Variants in LCOR observed in about 807,000 individuals in gnomAD.
LCOR encodes ligand-dependent corepressor.
A neutral mutation model predicts 64.4 loss-of-function variants in LCOR; 14 were observed. That is an observed-to-expected ratio of 0.22 (90% CI 0.14 to 0.34). The LOEUF is 0.34. LCOR is among the 10% of genes least tolerant of loss of function. LCOR has a pLI of 1.00. For synonymous variants in LCOR, 643 were observed against 642.5 expected (o/e 1.00, Z -0.01); for missense variants, 1,686 against 1,765.3 (o/e 0.96, Z 0.80).
At position 96,832,475 on chromosome 10, in the gene LCOR, G is replaced by C. The variant is rs1358865386; in HGVS notation, c.-404+76G>C. The C allele has an allele frequency of 1.0e-5, 5 of 496,906 alleles. No homozygotes were observed. In the African/African-American group the frequency reaches 1.1e-4, roughly 10 times the overall value. The allele number at this position is 496,906 out of a possible 1,614,324, so 30.8% of individuals were successfully genotyped here. ...TCGCCCCAGACCAGGGAGGAAGCTG[G>C]GGAAGTGGCAATTGCTGCTCCGGCC... On this transcript the variant is annotated intron_variant, in intron 1 of 7. Transcript: ENST00000421806.
At position 96,944,143 on chromosome 10, in the gene LCOR, T is replaced by A; in HGVS notation, c.-153T>A. 2.0e-6 allele frequency: 2 copies of A among 985,664 alleles called. No homozygotes were observed. The highest frequency in any genetic ancestry group is 2.4e-6 in the Non-Finnish European group (2 of 829,848). 61.1% of individuals were successfully genotyped at this position (985,664 alleles called of 1,614,324 possible). A position where few individuals can be genotyped will look rare whatever the true frequency, so the allele number is the denominator to read the frequency against. On this transcript the variant is annotated 5_prime_UTR_variant, in exon 5 of 8. Coordinates refer to ENST00000421806, the MANE Select transcript of LCOR (RefSeq NM_001346516.2). ...CTTAGTCGGTCTGGATGAACCAGCT[T>A]CGGGAGCTGGGCAAGAAGCTCTGCT...
intron 2 of LCOR, among the ~76,000 whole-genome samples, chr10:96,872,166 A>G (rs549523534): frequency 5.2e-4 from 79 of 152,264 alleles, no homozygotes; most frequent in Non-Finnish European, 1.0e-3. Flanking sequence ...CTGATAGTCT[A>G]CATAGCTGGA....
intron 2 of LCOR, among the ~76,000 whole-genome samples, chr10:96,881,717 A>T (rs1228132804): frequency 6.6e-6 from 1 of 152,144 alleles, no homozygotes; most frequent in Non-Finnish European, 1.5e-5. Flanking sequence ...TCAGCCTCCC[A>T]AAGTGTTGGT....
At position 96,981,832 on chromosome 10, in the gene LCOR, G is replaced by C. The variant is rs146360818; in HGVS notation, c.1372G>C (p.Ala458Pro). The stretch of plus-strand genomic sequence containing the variant: ...CAAGACAGCTCGGAAAAGTAAAAGG[G>C]CATCAGGGCTGAGGATAAATGATTA... ...SIKTARKSKR[A>P]SGLRINDYDN... is the part of the protein sequence containing the mutation. Residue 458 changes from alanine (A) to proline (P), a missense_variant, in exon 8 of 8, where the codon GCA (alanine) becomes CCA (proline). By Grantham distance (27) the Ala-to-Pro change is conservative. This residue lies in a region of LCOR where 1,293 missense variants were observed against 1,410.4 expected (regional missense o/e 0.92). Transcript: ENST00000421806. 60 of 1,614,218 alleles carry C rather than the reference G, an allele frequency of 3.7e-5. No homozygotes were observed. The African/African-American group carries it at 6.5e-4, about 18-fold the overall frequency.
chr10:96,963,334 A>T (rs746644891), intron 7 of LCOR: 1 of 152,236 alleles, frequency 6.6e-6, no homozygotes, highest in East Asian at 1.9e-4. Context: ...AACAAAAGAC[A>T]TTCCTAACTG....
At chr10:96,872,023 C>T (rs777821106) in intron 2 of LCOR, among the ~76,000 whole-genome samples, 1 of 152,184 alleles carries the variant, frequency 6.6e-6, no homozygotes, top group Non-Finnish European at 1.5e-5. Context: ...TGACATAGTC[C>T]ATGCCACATA....
chr10:96,865,953 C>T (rs955993649), intron 2 of LCOR, among the ~76,000 whole-genome samples: 1 of 151,786 alleles, frequency 6.6e-6, no homozygotes, highest in Admixed American at 6.6e-5. Flanking sequence ...CTTTTCTGGC[C>T]AATCTCTTAC....
intron 7 of LCOR, among the ~76,000 whole-genome samples, chr10:96,973,713 G>C (rs1353180385): frequency 1.3e-5 from 2 of 152,038 alleles, no homozygotes; most frequent in Non-Finnish European, 2.9e-5. Flanking sequence ...GTTTTCCTGG[G>C]ACTCCCTGTT....
chr10:96,850,220 G>C (rs74153735), intron 2 of LCOR, among the ~76,000 whole-genome samples: 35 of 152,248 alleles, frequency 2.3e-4, no homozygotes, highest in African/African-American at 8.2e-4. Flanking sequence ...GCATCACAGT[G>C]AACACATGCC....
intron 4 of LCOR, among the ~76,000 whole-genome samples, chr10:96,932,973 T>C (rs979926026): frequency 1.3e-5 from 2 of 152,196 alleles, no homozygotes; most frequent in Admixed American, 6.5e-5. Flanking sequence ...GTGGAACAAA[T>C]TCATTAAAAT....
intron 4 of LCOR, among the ~76,000 whole-genome samples, chr10:96,925,326 C>T (rs1250018326): frequency 1.3e-5 from 2 of 152,114 alleles, no homozygotes; most frequent in South Asian, 2.1e-4. Flanking sequence ...TCACCTGCCT[C>T]GGCCTCCCAA....
rs893993631 is a variant in LCOR at position 96,971,959 on chromosome 10, A to G, written c.333-8834A>G. On this transcript the variant is annotated intron_variant, in intron 7 of 7. Coordinates refer to ENST00000421806, the MANE Select transcript of LCOR (RefSeq NM_001346516.2). ...GATTCCTGAGTAAAAACTTGAACGT[A>G]CAGATGATTTTATTAATACTTAGTT... 3.9e-5 allele frequency among the ~76,000 whole-genome samples: 6 copies of G among 152,240 alleles called. No individual in the cohort carries two copies. The South Asian group carries it at 1.0e-3, about 26-fold the overall frequency.
At chr10:96,975,170 CAAAAT>C (rs766427793) in intron 7 of LCOR, among the ~76,000 whole-genome samples, 18 of 151,720 alleles carry the variant, frequency 1.2e-4, no homozygotes, top group Non-Finnish European at 2.4e-4. Context: ...GACTCTATCT[CAAAAT>C]AAAATAATAA....
intron 2 of LCOR, among the ~76,000 whole-genome samples, chr10:96,888,230 T>C (rs1846377189): frequency 6.6e-6 from 1 of 150,452 alleles, no homozygotes; most frequent in Non-Finnish European, 1.5e-5. Context: ...CCAGGCCTGG[T>C]GGTGGCCGCC....
intron 2 of LCOR, among the ~76,000 whole-genome samples, chr10:96,834,911 T>C (rs1340996184): frequency 1.3e-5 from 2 of 152,214 alleles, no homozygotes; most frequent in Non-Finnish European, 2.9e-5. Flanking sequence ...TGTTGTTTTT[T>C]CTTTATTGAG....
chr10:96,915,561 C>T, intron 4 of LCOR: 2 of 656,914 alleles, frequency 3.0e-6, no homozygotes, highest in Non-Finnish European at 5.5e-6. Context: ...TTTTATGAAA[C>T]TTGGTAAAAA....
chr10:96,964,340 A>G (rs1333319775), intron 7 of LCOR: 1 of 150,556 alleles, frequency 6.6e-6, no homozygotes, highest in Non-Finnish European at 1.5e-5. Flanking sequence ...GACATTTTGG[A>G]GAAACATTCC....
intron 2 of LCOR, among the ~76,000 whole-genome samples, chr10:96,889,502 T>C (rs2041848386): frequency 6.6e-6 from 1 of 152,180 alleles, no homozygotes; most frequent in Non-Finnish European, 1.5e-5. Flanking sequence ...CACAGCCGTT[T>C]CTCTGTGCTC....
chr10:96,859,297 C>T (rs562663303), intron 2 of LCOR, among the ~76,000 whole-genome samples: 5 of 152,092 alleles, frequency 3.3e-5, no homozygotes, highest in South Asian at 2.1e-4. Flanking sequence ...GCAACCTTAG[C>T]GTCCCGGGTT....
Sources: allele counts gnomAD v4.1 joint callset (sites outside exome capture counted in the v4.1 genomes callset), GRCh38; gene constraint gnomAD v4.1.1; regional missense constraint gnomAD v4.1.1; transcripts MANE v1.5; gene names NCBI Gene and HGNC (gene_info 2026-07-23, HGNC 2026-07-21).